LINGO2: variants seen among roughly 807,000 people sequenced by gnomAD.
LINGO2 encodes the protein leucine rich repeat and Ig domain containing 2, also known as leucine-rich repeat and immunoglobulin-like domain-containing nogo receptor-interacting protein 2.
A neutral mutation model predicts 30.6 loss-of-function variants in LINGO2; 14 were observed. The ratio of observed to expected loss-of-function variants is 0.46; its 90% CI spans 0.30 to 0.72. LINGO2 has a LOEUF of 0.72. LINGO2 is among the 30% of genes least tolerant of loss of function. The probability of loss-of-function intolerance (pLI) is 0.07; values close to 1 mark genes in which losing one functional copy is unlikely to be tolerated. For synonymous variants in LINGO2, 317 were observed against 288.5 expected, an observed-to-expected ratio of 1.10 and a Z score of -1.00; for missense variants, 729 against 751.7, an observed-to-expected ratio of 0.97 and a Z score of 0.35.
chr9:29,071,154 T>TTATTGTATTGTATTG, the LINGO2 span, among the ~76,000 whole-genome samples: 3,691 of 137,714 alleles, frequency 0.027, 105 homozygotes, highest in African/African-American at 0.062. Flanking sequence ...TCACAGAGAA[T>TTATTGTATTGTATTG]TATTGTATTG....
intron 4 of LINGO2, among the ~76,000 whole-genome samples, chr9:28,264,049 A>C (rs1379639640): frequency 7.0e-6 from 1 of 142,926 alleles, no homozygotes; most frequent in African/African-American, 2.5e-5. Context: ...CTCTCATTAC[A>C]GTTCTGCTGT....
chr9:28,662,763 G>GC (rs2136015037), intron 1 of LINGO2, among the ~76,000 whole-genome samples: 1 of 152,212 alleles, frequency 6.6e-6, no homozygotes, highest in South Asian at 2.1e-4. Context: ...CCGGCACATG[G>GC]CAAGTGTTAT....
intron 1 of LINGO2, among the ~76,000 whole-genome samples, chr9:28,661,253 C>G (rs1163214893): frequency 6.6e-6 from 1 of 152,176 alleles, no homozygotes; most frequent in Non-Finnish European, 1.5e-5. Context: ...TTTGTCTAAG[C>G]TACCCCATTG....
chr9:28,749,535 T>A, the LINGO2 span, among the ~76,000 whole-genome samples: 5 of 152,062 alleles, frequency 3.3e-5, no homozygotes, highest in East Asian at 7.7e-4. Context: ...TTGTTCAATC[T>A]GAAAATAGCT....
chr9:28,819,996 A>G, the LINGO2 span, among the ~76,000 whole-genome samples: 1 of 152,288 alleles, frequency 6.6e-6, no homozygotes, highest in African/African-American at 2.4e-5. Context: ...TGCTTTGAAT[A>G]AATTAATTCT....
chr9:28,743,406 C>T, the LINGO2 span, among the ~76,000 whole-genome samples: 1 of 151,748 alleles, frequency 6.6e-6, no homozygotes, highest in Non-Finnish European at 1.5e-5. Context: ...CATTGTTCAA[C>T]TCATACTTAT....
chr9:28,307,381 C>G (rs1019288875), intron 3 of LINGO2, among the ~76,000 whole-genome samples: 11 of 146,820 alleles, frequency 7.5e-5, no homozygotes, highest in African/African-American at 1.5e-4. Context: ...ATTCAACAAC[C>G]CTTCATGCTA....
chr9:29,158,300 G>A, the LINGO2 span, among the ~76,000 whole-genome samples: 3 of 152,112 alleles, frequency 2.0e-5, no homozygotes, highest in Admixed American at 6.5e-5. Flanking sequence ...AGGCTACAGC[G>A]AGCTGAGATC....
chr9:28,674,249 G>T (rs748950795), upstream of LINGO2, among the ~76,000 whole-genome samples: 2 of 130,684 alleles, frequency 1.5e-5, no homozygotes, highest in Non-Finnish European at 3.1e-5. Context: ...TGGCTCTGCT[G>T]ACTTCTTATA....
chr9:28,820,245 T>TG, the LINGO2 span, among the ~76,000 whole-genome samples: 2 of 103,718 alleles, frequency 1.9e-5, no homozygotes, highest in Non-Finnish European at 3.7e-5. Flanking sequence ...GGAGAAAAGA[T>TG]GAAAAAAAAA....
At position 28,475,098 on chromosome 9, in the gene LINGO2, T is replaced by A. The variant is rs113281595; in HGVS notation, c.-279+842A>T. Reference sequence around the variant, plus strand: ...AATACATCCAGAGAGCCAATTAGTCTCTCAGAACCTGAATTTATCTGTAAA... The same window carrying A: ...AATACATCCAGAGAGCCAATTAGTCACTCAGAACCTGAATTTATCTGTAAA... On this transcript the variant is annotated intron_variant, in intron 2 of 5. Coordinates refer to ENST00000379992, the Ensembl canonical transcript of LINGO2. 2.2e-3 allele frequency among the ~76,000 whole-genome samples: 331 copies of A among 152,216 alleles called. 2 individuals carry two copies. Among genetic ancestry groups the A allele is most frequent in the African/African-American group, 7.6e-3 (316 of 41,548 alleles).
intron 4 of LINGO2, among the ~76,000 whole-genome samples, chr9:28,047,708 C>T (rs984677562): frequency 2.0e-5 from 3 of 150,680 alleles, no homozygotes; most frequent in Admixed American, 1.3e-4. Context: ...AGCACAATGT[C>T]GGGTGCATAT....
At chr9:29,180,654 T>C in the LINGO2 span, among the ~76,000 whole-genome samples, 3 of 152,182 alleles carry the variant, frequency 2.0e-5, no homozygotes, top group African/African-American at 7.2e-5. Flanking sequence ...CGTGTTCCCC[T>C]ACACATACCT....
the LINGO2 span, among the ~76,000 whole-genome samples, chr9:28,690,224 G>A: frequency 3.3e-5 from 5 of 151,866 alleles, no homozygotes; most frequent in African/African-American, 7.3e-5. Flanking sequence ...TACCCCTGAA[G>A]TTAAAATAAA....
the LINGO2 span, among the ~76,000 whole-genome samples, chr9:29,141,493 G>T: frequency 1.8e-3 from 276 of 151,042 alleles, 2 homozygotes; most frequent in Non-Finnish European, 3.4e-4. Flanking sequence ...CAGTAAGAGA[G>T]GAAAAAAGGA....
the LINGO2 span, among the ~76,000 whole-genome samples, chr9:29,165,844 T>C: frequency 1.0e-3 from 159 of 152,252 alleles, 1 homozygote; most frequent in African/African-American, 3.6e-3. Flanking sequence ...GTCCTTTCTG[T>C]TGGATCTTTG....
At chr9:28,945,459 T>C in the LINGO2 span, among the ~76,000 whole-genome samples, 1 of 152,150 alleles carries the variant, frequency 6.6e-6, no homozygotes. Context: ...TTATTAACTC[T>C]TGTCTCATTC....
chr9:28,529,550 C>T (rs1406246449), intron 1 of LINGO2, among the ~76,000 whole-genome samples: 3 of 151,666 alleles, frequency 2.0e-5, no homozygotes, highest in African/African-American at 7.3e-5. Context: ...GGATTTAAAG[C>T]CCTAACTAAA....
At chr9:28,267,058 A>T (rs1822776948) in intron 4 of LINGO2, among the ~76,000 whole-genome samples, 2 of 152,052 alleles carry the variant, frequency 1.3e-5, no homozygotes, top group South Asian at 4.1e-4. Context: ...CCATGTTTCC[A>T]GACAGTGCAA....
Sources: gnomAD v4.1 joint callset for allele counts (sites outside exome capture counted in the v4.1 genomes callset) on GRCh38, gnomAD v4.1.1 for gene constraint, MANE v1.5 for transcripts, NCBI Gene and HGNC (gene_info 2026-07-23, HGNC 2026-07-21) for gene names.